The following TTC7B variants were observed in gnomAD, a reference collection of about 807,000 sequenced individuals.
TTC7B encodes tetratricopeptide repeat protein 7B.
Under a neutral mutation model 106.8 loss-of-function variants are expected in TTC7B, and 28 were observed. The observed-to-expected ratio is 0.26, with a 90% confidence interval of 0.19 to 0.36. The LOEUF (loss-of-function observed/expected upper bound fraction) is 0.36. Among genes scored for constraint, TTC7B ranks in the 10% least tolerant of loss-of-function variants. The pLI, the probability that TTC7B is intolerant of heterozygous loss-of-function variation, is 1.00. For missense variants in TTC7B, 862 were observed against 1,076.4 expected, an observed-to-expected ratio of 0.80 and a Z score of 2.79; for synonymous variants, 405 against 430.6, an observed-to-expected ratio of 0.94 and a Z score of 0.74.
chr14:90,682,413 G>A (rs969423798), intron 7 of TTC7B, among the ~76,000 whole-genome samples: 13 of 152,296 alleles, frequency 8.5e-5, no homozygotes, highest in Middle Eastern at 3.4e-3. Flanking sequence ...AGCAGGAGCC[G>A]GGGGAGAAAA....
intron 18 of TTC7B, among the ~76,000 whole-genome samples, chr14:90,588,543 G>A (rs1891814326): frequency 6.6e-6 from 1 of 152,136 alleles, no homozygotes; most frequent in Admixed American, 6.5e-5. Context: ...GCAGTAAGGT[G>A]TGCACTCAAG....
At chr14:90,601,948 T>C in intron 17 of TTC7B, 1 of 342,972 alleles carries the variant, frequency 2.9e-6, no homozygotes, top group Non-Finnish European at 5.8e-6. Flanking sequence ...GAGAGGAACC[T>C]GGCAGGGAAA....
intron 18 of TTC7B, among the ~76,000 whole-genome samples, 193 bp downstream of exon 18, chr14:90,593,293 G>A (rs1406815640): frequency 2.0e-5 from 3 of 152,362 alleles, no homozygotes; most frequent in South Asian, 2.1e-4. Context: ...GGGATCGGGG[G>A]ATACAGAGTC....
At chr14:90,684,940 A>G (rs568740438) in intron 7 of TTC7B, among the ~76,000 whole-genome samples, 1 of 152,364 alleles carries the variant, frequency 6.6e-6, no homozygotes, top group African/African-American at 2.4e-5. Context: ...GAAACCACCC[A>G]GAAGGAAAGA....
At position 90,539,311 on chromosome 14, in the gene TTC7B, C is replaced by T. The variant is rs570767008; in HGVS notation, c.*2057G>A. The T allele has an allele frequency of 3.3e-5, 5 of 152,658 alleles. No individual in the cohort carries two copies. Among genetic ancestry groups the T allele is most frequent in the Non-Finnish European group, 7.3e-5 (5 of 68,308 alleles). The allele number at this position is 152,658 out of a possible 1,614,324, so 9.5% of individuals were successfully genotyped here. ...GCCTGGCAGAGAAGGTCTGGTACAG[C>T]GCCTGCACCATCTGCCTTGGTGGCC... On this transcript the variant is annotated 3_prime_UTR_variant, in exon 20 of 20. Coordinates refer to ENST00000328459, the MANE Select transcript of TTC7B (RefSeq NM_001010854.2).
intron 15 of TTC7B, among the ~76,000 whole-genome samples, chr14:90,623,787 A>G (rs1884316156): frequency 6.6e-6 from 1 of 152,220 alleles, no homozygotes; most frequent in African/African-American, 2.4e-5. Flanking sequence ...TTGGGAGGCC[A>G]AGGCAGGCAG....
chr14:90,785,609 G>T (rs538582430), intron 2 of TTC7B, among the ~76,000 whole-genome samples: 1 of 152,280 alleles, frequency 6.6e-6, no homozygotes, highest in African/African-American at 2.4e-5. Flanking sequence ...ATGGAAACCT[G>T]GGTGTAATGA....
intron 9 of TTC7B, among the ~76,000 whole-genome samples, chr14:90,666,526 C>A (rs949215961): frequency 6.6e-6 from 1 of 152,148 alleles, no homozygotes; most frequent in African/African-American, 2.4e-5. Context: ...TCTACAGGAG[C>A]CTGGGTCCAG....
rs913127910 is a variant in TTC7B at position 90,600,973 on chromosome 14, C to T, written c.1967-7347G>A. Among the ~76,000 whole-genome samples, 2 of 152,082 alleles carry T rather than the reference C, an allele frequency of 1.3e-5. No individual in the cohort carries two copies. The highest frequency in any genetic ancestry group is 2.4e-5 in the African/African-American group (1 of 41,408). On this transcript the variant is annotated intron_variant, in intron 17 of 19. Transcript: ENST00000328459. This position sits in a 1 kb window ranked among gnomAD's most constrained non-coding sequence, Gnocchi z 4.3. Reference sequence around the variant, plus strand: ...TCTGAGCCTCCAAGTGCCTGACTGCCGGCGTCCTGGGGAAAGCCTCCCAGG... The same window carrying T: ...TCTGAGCCTCCAAGTGCCTGACTGCTGGCGTCCTGGGGAAAGCCTCCCAGG...
chr14:90,717,969 G>A (rs1888725469), intron 5 of TTC7B, among the ~76,000 whole-genome samples: 1 of 152,220 alleles, frequency 6.6e-6, no homozygotes, highest in Non-Finnish European at 1.5e-5. Flanking sequence ...CTCAGAGAGG[G>A]TGAAACTTGG....
At chr14:90,586,650 G>A (rs536771752) in intron 18 of TTC7B, among the ~76,000 whole-genome samples, 44 of 152,088 alleles carry the variant, frequency 2.9e-4, no homozygotes, top group Middle Eastern at 3.2e-3. Context: ...TTCTTAGGCC[G>A]TCTTAGCACC....
intron 4 of TTC7B, among the ~76,000 whole-genome samples, chr14:90,734,932 C>A (rs962094725): frequency 2.0e-5 from 3 of 152,000 alleles, no homozygotes. Flanking sequence ...TACAGGCATG[C>A]GCCACCACGC....
intron 17 of TTC7B, chr14:90,601,945 A>T: frequency 2.9e-6 from 1 of 342,856 alleles, no homozygotes; most frequent in South Asian, 2.3e-5. Flanking sequence ...GGTGAGAGGA[A>T]CCTGGCAGGG....
rs1452271182 is a variant in TTC7B, at chr14:90,805,757, G to T, written c.121+10418C>A. Among the ~76,000 whole-genome samples the T allele has an allele frequency of 9.8e-5, 15 of 152,310 alleles. No homozygotes were observed. In the East Asian group the frequency reaches 2.7e-3, roughly 27 times the overall value. On this transcript the variant is annotated intron_variant, in intron 1 of 19. Transcript: ENST00000328459. This position sits in a 1 kb window ranked among gnomAD's most constrained non-coding sequence, Gnocchi z 4.0. ...GACCACTAGTGAGACTCTCATCAAAGAGATATGGGGAATTAGCCGCCCTGC... is the reference window on the plus strand; with the variant it reads ...GACCACTAGTGAGACTCTCATCAAATAGATATGGGGAATTAGCCGCCCTGC...
At position 90,807,605 on chromosome 14, in the gene TTC7B, T is replaced by A. The variant is rs1258403234; in HGVS notation, c.121+8570A>T. Among the ~76,000 whole-genome samples the A allele has an allele frequency of 6.6e-6, 1 of 152,222 alleles. No individual in the cohort carries two copies. The highest frequency in any genetic ancestry group is 1.5e-5 in the Non-Finnish European group (1 of 68,036). On this transcript the variant is annotated intron_variant, in intron 1 of 19. Coordinates refer to ENST00000328459, the MANE Select transcript of TTC7B (RefSeq NM_001010854.2). The surrounding 1 kb of genome is among the most constrained non-coding windows in gnomAD (Gnocchi z 4.1). The stretch of plus-strand genomic sequence containing the variant: ...TCTATTTCTTCTGATGCCCCTCTGA[T>A]ACCTGGTGCTGTGCCCACACATAGT...
intron 16 of TTC7B, among the ~76,000 whole-genome samples, chr14:90,617,501 T>C (rs985685977): frequency 5.9e-5 from 9 of 152,196 alleles, no homozygotes; most frequent in African/African-American, 2.2e-4. Context: ...AATAGCCACT[T>C]CTCTTCTTAG....
In TTC7B at chr14:90,597,702, T is replaced by C. The variant is rs115153383; in HGVS notation, c.1967-4076A>G. Among the ~76,000 whole-genome samples the C allele has an allele frequency of 1.3e-3, 202 of 151,974 alleles. 1 individual carries two copies. Among genetic ancestry groups the C allele is most frequent in the African/African-American group, 4.6e-3 (189 of 41,446 alleles). On this transcript the variant is annotated intron_variant, in intron 17 of 19. Transcript: ENST00000328459. ...CAACAACAAAAAAAACCCTGTACTG[T>C]ATTTTATTGTTTCATAGAACTGAAA...
At chr14:90,707,516 C>T (rs1215562396) in intron 5 of TTC7B, among the ~76,000 whole-genome samples, 1 of 152,168 alleles carries the variant, frequency 6.6e-6, no homozygotes, top group East Asian at 1.9e-4. Context: ...AAAGTGGGGC[C>T]TTTTGTACCA....
chr14:90,785,718 C>T (rs1363661027), intron 2 of TTC7B, among the ~76,000 whole-genome samples: 2 of 152,148 alleles, frequency 1.3e-5, no homozygotes, highest in Admixed American at 6.5e-5. Flanking sequence ...TCCTGGCCCC[C>T]TCCCAACTGT....
Sources: gnomAD v4.1 joint callset for allele counts (sites outside exome capture counted in the v4.1 genomes callset) on GRCh38, gnomAD v4.1.1 for gene constraint, Gnocchi (gnomAD v3.1) non-coding constraint, MANE v1.5 for transcripts, NCBI Gene and HGNC (gene_info 2026-07-23, HGNC 2026-07-21) for gene names.